The following CPT1A variants were observed in gnomAD, a reference collection of about 807,000 sequenced individuals.
CPT1A encodes carnitine O-palmitoyltransferase 1, liver isoform.
CPT1A carries 64 observed loss-of-function variants against 100.8 expected under a neutral mutation model. The observed-to-expected ratio is 0.63, with a 90% CI of 0.52 to 0.78. The LOEUF is 0.78. CPT1A is among the 30% of genes least tolerant of loss of function. CPT1A has a pLI of 0.00. For missense variants in CPT1A, 802 were observed against 1,034.1 expected (o/e 0.78, Z 3.08); for synonymous variants, 363 against 396.0 (o/e 0.92, Z 0.99).
At chr11:68,806,398 C>T (rs1856047497) in intron 4 of CPT1A, among the ~76,000 whole-genome samples, 1 of 151,968 alleles carries the variant, frequency 6.6e-6, no homozygotes, top group Non-Finnish European at 1.5e-5. Flanking sequence ...TTTGGGAGGT[C>T]AAGGTGGGCC....
chr11:68,823,821 T>C (rs1856650111), intron 1 of CPT1A, among the ~76,000 whole-genome samples: 1 of 149,266 alleles, frequency 6.7e-6, no homozygotes, highest in Admixed American at 6.7e-5. Flanking sequence ...AAAGAAATCA[T>C]GTCCCTTGCA....
rs188446099 is a variant in CPT1A, at chr11:68,798,578, G to T, written c.693+640C>A. 3.2e-3 allele frequency among the ~76,000 whole-genome samples: 489 copies of T among 152,186 alleles called. 3 individuals are homozygous for T. The highest frequency in any genetic ancestry group is 0.011 in the African/African-American group (474 of 41,530). ...CCGCACACAGGGTGCCAGCTAAGACGCTTCGTTGGAGGAGATGCTCCTGGG... is the reference window on the plus strand; with the variant it reads ...CCGCACACAGGGTGCCAGCTAAGACTCTTCGTTGGAGGAGATGCTCCTGGG... On this transcript the variant is annotated intron_variant, in intron 6 of 18. Coordinates refer to ENST00000265641, the MANE Select transcript of CPT1A (RefSeq NM_001876.4).
chr11:68,843,722 A>G (rs1326533846), upstream of CPT1A, among the ~76,000 whole-genome samples: 4 of 152,308 alleles, frequency 2.6e-5, no homozygotes, highest in African/African-American at 9.6e-5. This position sits in a 1 kb window ranked among gnomAD's most constrained non-coding sequence, Gnocchi z 4.0. Context: ...CAGTGAGCCC[A>G]GGCACTCGAC....
At chr11:68,758,299 A>AC (rs1469841054) in intron 18 of CPT1A, among the ~76,000 whole-genome samples, 3 of 151,972 alleles carry the variant, frequency 2.0e-5, no homozygotes, top group Non-Finnish European at 4.4e-5. Context: ...ACAAAAGAAA[A>AC]CCGCAGTGAA....
chr11:68,812,038 T>A (rs1253142684), intron 3 of CPT1A, among the ~76,000 whole-genome samples: 1 of 151,958 alleles, frequency 6.6e-6, no homozygotes, highest in Non-Finnish European at 1.5e-5. Context: ...AGTTCAAGGG[T>A]CACAGAACTC....
rs1023200421 is a variant in CPT1A at position 68,841,622 on chromosome 11, G to A, written c.-14+153C>T. Among the ~76,000 whole-genome samples the A allele has an allele frequency of 8.8e-4, 134 of 152,200 alleles. No homozygotes were observed. The highest frequency in any genetic ancestry group is 3.4e-3 in the Middle Eastern group (1 of 294). On this transcript the variant is annotated intron_variant, in intron 1 of 18. Transcript: ENST00000265641. This position sits in a 1 kb window ranked among gnomAD's most constrained non-coding sequence, Gnocchi z 6.3. ...AGGATCTCCACAACCCCGCCGTCCG[G>A]GGGGAATACCGGGGTTCCTCTCGGC... is the stretch of plus-strand genomic sequence containing the variant.
chr11:68,786,031 A>G (rs1306399227), intron 9 of CPT1A: 2 of 702,220 alleles, frequency 2.8e-6, no homozygotes, highest in Non-Finnish European at 5.2e-6. Flanking sequence ...ATCAAGGCAG[A>G]TCGTCTAGTG....
intron 13 of CPT1A, chr11:68,773,989 T>C (rs1855071859): frequency 5.9e-6 from 1 of 168,798 alleles, no homozygotes; most frequent in Non-Finnish European, 1.3e-5. Context: ...GCATGCTCCC[T>C]TCCCAAGCGC....
In CPT1A at chr11:68,800,209, G is replaced by A. The variant is rs141160519; in HGVS notation, c.556-854C>T. Among the ~76,000 whole-genome samples, 812 of 152,236 alleles carry A rather than the reference G, an allele frequency of 5.3e-3. 13 individuals carry two copies. The highest frequency in any genetic ancestry group is 0.018 in the African/African-American group (757 of 41,552). ...CTAAGGCCAGTGCCCCAGGTTCAGG[G>A]TTTCCAGCCCCCACCCCGCCTCGTC... On this transcript the variant is annotated intron_variant, in intron 5 of 18. Transcript: ENST00000265641.
upstream of CPT1A, chr11:68,844,096 G>A (rs1218541090): frequency 6.6e-6 from 1 of 152,318 alleles, no homozygotes; most frequent in Non-Finnish European, 1.5e-5. Context: ...GGCCGGGCGG[G>A]GCAGGGACAG....
intron 3 of CPT1A, among the ~76,000 whole-genome samples, chr11:68,810,129 G>A (rs1566373810): frequency 6.6e-6 from 1 of 152,196 alleles, no homozygotes; most frequent in Non-Finnish European, 1.5e-5. Flanking sequence ...AGTGTGCCGA[G>A]ATCGCACCAC....
Position 68,754,905 on chromosome 11 carries a change from T to C in CPT1A, c.*2739A>G, listed in dbSNP as rs1333274830. The C allele has an allele frequency of 1.3e-6, 1 of 775,928 alleles. No individual in the cohort carries two copies. The highest frequency in any genetic ancestry group is 2.4e-5 in the East Asian group (1 of 41,124). 48.1% of individuals were successfully genotyped at this position (775,928 alleles called of 1,614,324 possible). A position where few individuals can be genotyped will look rare whatever the true frequency, so the allele number is the denominator to read the frequency against. On this transcript the variant is annotated 3_prime_UTR_variant, in exon 19 of 19. Transcript: ENST00000265641. ...ATCTTGTAGTAGACTGGGGTTAATG[T>C]TTTATTAATGATAACCTACATTCAC...
At chr11:68,792,433 T>C (rs1855642456) in intron 9 of CPT1A, among the ~76,000 whole-genome samples, 1 of 152,214 alleles carries the variant, frequency 6.6e-6, no homozygotes, top group African/African-American at 2.4e-5. Flanking sequence ...AGGCCTGCCA[T>C]GATGGTCTTG....
chr11:68,828,106 T>G (rs1856779648), intron 1 of CPT1A, among the ~76,000 whole-genome samples: 1 of 152,200 alleles, frequency 6.6e-6, no homozygotes, highest in African/African-American at 2.4e-5. Context: ...TCCTTATGCC[T>G]GCCCTGCCCT....
At position 68,807,550 on chromosome 11, in the gene CPT1A, A is replaced by C; in HGVS notation, c.370T>G (p.Tyr124Asp). ...LWVALIVTMR[Y>D]SLKVLLSYHG... ...TAGGAGAGCAGCACTTTCAGGGAGT[A>C]GCGCATGGTGACGATGAGGGCCACC... The change falls in exon 4 of 19, where the codon TAC becomes GAC. Residue 124 changes from tyrosine to aspartate, a missense_variant. Tyr to Asp is a radical substitution (Grantham distance 160, BLOSUM62 -3). Around this residue, in one of 4 missense-constraint regions of CPT1A, gnomAD observed 161 missense variants for 183.7 expected, o/e 0.88. Coordinates refer to ENST00000265641, the MANE Select transcript of CPT1A (RefSeq NM_001876.4). 6.2e-7 allele frequency: 1 copy of C among 1,614,162 alleles called. No homozygotes were observed. Among genetic ancestry groups the C allele is most frequent in the African/African-American group, 1.3e-5 (1 of 75,064 alleles).
intron 12 of CPT1A, among the ~76,000 whole-genome samples, chr11:68,779,795 C>CA (rs11419131): frequency 0.84 from 104,142 of 123,998 alleles, 43,689 homozygotes; most frequent in Non-Finnish European, 0.91. Context: ...GACCCTGTCT[C>CA]AAAAAAAAAA....
intron 1 of CPT1A, among the ~76,000 whole-genome samples, chr11:68,830,406 A>G (rs936341315): frequency 3.3e-5 from 5 of 152,192 alleles, no homozygotes; most frequent in Non-Finnish European, 7.4e-5. Flanking sequence ...ACCAACTCCC[A>G]GGTGGAGCAT....
At chr11:68,760,950 G>A (rs990951492) in intron 16 of CPT1A, among the ~76,000 whole-genome samples, 5 of 152,010 alleles carry the variant, frequency 3.3e-5, no homozygotes, top group Non-Finnish European at 7.4e-5. Flanking sequence ...GAACCCGGGA[G>A]GCGGAGGTTT....
At chr11:68,791,422 A>G (rs1441355248) in intron 9 of CPT1A, among the ~76,000 whole-genome samples, 1 of 152,216 alleles carries the variant, frequency 6.6e-6, no homozygotes, top group African/African-American at 2.4e-5. Flanking sequence ...CTGTTGGCCA[A>G]CACATCTGTT....
Sources: gnomAD v4.1 joint callset for allele counts (sites outside exome capture counted in the v4.1 genomes callset) on GRCh38, gnomAD v4.1.1 for gene constraint, gnomAD v4.1.1 regional missense constraint, Gnocchi (gnomAD v3.1) non-coding constraint, MANE v1.5 for transcripts, NCBI Gene and HGNC (gene_info 2026-07-23, HGNC 2026-07-21) for gene names.